Variants in IMMP2L observed in about 807,000 individuals in gnomAD.
IMMP2L encodes mitochondrial inner membrane protease subunit 2.
In IMMP2L, 18 loss-of-function variants were observed where a neutral mutation model predicts 19.3. The observed-to-expected ratio is 0.93, with a 90% CI of 0.64 to 1.38. IMMP2L has a LOEUF of 1.38. Among genes scored for constraint, IMMP2L ranks in the 40% most tolerant of loss-of-function variants. The pLI is 0.00. For synonymous variants in IMMP2L, 76 were observed against 73.0 expected (o/e 1.04, Z -0.21); for missense variants, 233 against 218.2 (o/e 1.07, Z -0.43).
intron 3 of IMMP2L, among the ~76,000 whole-genome samples, chr7:111,325,600 A>G (rs1402483389): frequency 6.6e-6 from 1 of 151,666 alleles, no homozygotes; most frequent in Non-Finnish European, 1.5e-5. Context: ...AATAGTATAA[A>G]TCCTTCTGTA....
chr7:110,849,251 T>A (rs1351113353), intron 5 of IMMP2L, among the ~76,000 whole-genome samples: 1 of 152,130 alleles, frequency 6.6e-6, no homozygotes, highest in Non-Finnish European at 1.5e-5. Context: ...TATAGTTTAC[T>A]AATTTTAAAA....
intron 3 of IMMP2L, among the ~76,000 whole-genome samples, chr7:111,169,986 CA>C (rs1586669898): frequency 1.3e-5 from 2 of 151,746 alleles, no homozygotes; most frequent in African/African-American, 4.8e-5. Flanking sequence ...TCCGGTTTCA[CA>C]AAAGATATGT....
At chr7:110,815,934 T>A (rs1291634422) in intron 5 of IMMP2L, among the ~76,000 whole-genome samples, 2 of 152,100 alleles carry the variant, frequency 1.3e-5, no homozygotes, top group Non-Finnish European at 2.9e-5. Flanking sequence ...CATTAATTAA[T>A]TTTTGAAGGG....
intron 5 of IMMP2L, among the ~76,000 whole-genome samples, chr7:110,788,479 AC>A (rs562603271): frequency 4.0e-4 from 61 of 151,812 alleles, no homozygotes; most frequent in African/African-American, 1.4e-3. Context: ...CTGAGCCTGA[AC>A]ATTGAAGTGC....
chr7:110,825,827 A>G (rs1803434210), intron 5 of IMMP2L, among the ~76,000 whole-genome samples: 1 of 152,222 alleles, frequency 6.6e-6, no homozygotes, highest in Non-Finnish European at 1.5e-5. Flanking sequence ...AAAAGCCAAA[A>G]TTGACGAATG....
chr7:111,440,742 C>A (rs976317294), intron 3 of IMMP2L, among the ~76,000 whole-genome samples: 1 of 151,902 alleles, frequency 6.6e-6, no homozygotes, highest in Non-Finnish European at 1.5e-5. Context: ...AAGCCATGCA[C>A]TGACCTCTCC....
chr7:110,967,773 C>T (rs184579112), intron 3 of IMMP2L, among the ~76,000 whole-genome samples: 2 of 152,188 alleles, frequency 1.3e-5, no homozygotes, highest in East Asian at 1.9e-4. Context: ...TATAACTTTA[C>T]ATCATTATAA....
chr7:111,134,734 C>A (rs575782075), intron 3 of IMMP2L, among the ~76,000 whole-genome samples: 4 of 151,708 alleles, frequency 2.6e-5, no homozygotes, highest in Admixed American at 6.6e-5. Flanking sequence ...CGCCTGAAAC[C>A]AAAGAGAAAA....
intron 5 of IMMP2L, among the ~76,000 whole-genome samples, chr7:110,846,355 T>C (rs1805666805): frequency 8.0e-6 from 1 of 125,556 alleles, no homozygotes; most frequent in Non-Finnish European, 1.7e-5. Context: ...TTTCTTTTTT[T>C]TTTTTTTTTT....
chr7:110,717,261 G>T (rs1484895443), intron 5 of IMMP2L, among the ~76,000 whole-genome samples: 1 of 152,136 alleles, frequency 6.6e-6, no homozygotes, highest in Non-Finnish European at 1.5e-5. Context: ...CGGATCATGA[G>T]GTCAGGAGAT....
chr7:111,016,831 AGT>A (rs1825698698), intron 3 of IMMP2L, among the ~76,000 whole-genome samples: 1 of 72,648 alleles, frequency 1.4e-5, no homozygotes, highest in Non-Finnish European at 2.5e-5. Context: ...TATAATATAT[AGT>A]ATATATTATA....
At chr7:111,509,195 T>C (rs535088890) in intron 2 of IMMP2L, among the ~76,000 whole-genome samples, 166 of 152,254 alleles carry the variant, frequency 1.1e-3, no homozygotes, top group African/African-American at 3.0e-3. Flanking sequence ...CAGAGTTTGT[T>C]AATGCAGATT....
At chr7:111,379,906 T>TA (rs1831035399) in intron 3 of IMMP2L, among the ~76,000 whole-genome samples, 1 of 151,804 alleles carries the variant, frequency 6.6e-6, no homozygotes, top group Non-Finnish European at 1.5e-5. Flanking sequence ...TAAGTTTAGG[T>TA]AAAAATAAAA....
chr7:110,846,345 T>C (rs1246986391), intron 5 of IMMP2L, among the ~76,000 whole-genome samples: 4 of 126,664 alleles, frequency 3.2e-5, no homozygotes, highest in South Asian at 3.1e-4. Flanking sequence ...CCAACCCTGA[T>C]TTCTTTTTTT....
At chr7:111,532,066 G>A (rs921471031) in intron 1 of IMMP2L, among the ~76,000 whole-genome samples, 4 of 152,002 alleles carry the variant, frequency 2.6e-5, no homozygotes, top group Admixed American at 1.3e-4. Flanking sequence ...AAGTGAGATA[G>A]GGGAAATAAG....
chr7:110,876,862 C>G (rs10259286), intron 5 of IMMP2L, among the ~76,000 whole-genome samples: 1 of 152,022 alleles, frequency 6.6e-6, no homozygotes, highest in African/African-American at 2.4e-5. Context: ...AAAATGTAAA[C>G]GGCTTTTTAG....
At position 111,219,191 on chromosome 7, in the gene IMMP2L, T is replaced by C. The variant is rs190988332; in HGVS notation, c.240-255626A>G. Among the ~76,000 whole-genome samples the C allele has an allele frequency of 7.7e-4, 117 of 152,166 alleles. 1 individual carries two copies. The highest frequency in any genetic ancestry group is 2.1e-3 in the African/African-American group (88 of 41,570). On this transcript the variant is annotated intron_variant, in intron 3 of 5. Transcript: ENST00000405709. ...ATGGAAATTTCTAACTTACTCTACT[T>C]TGAAATGCCAAATTACTAAAAAATT...
chr7:110,804,605 A>G (rs1801493745), intron 5 of IMMP2L, among the ~76,000 whole-genome samples: 1 of 152,036 alleles, frequency 6.6e-6, no homozygotes, highest in African/African-American at 2.4e-5. Context: ...CATTTCCCAG[A>G]CTTCCTTGCA....
chr7:111,209,390 CCTT>C (rs1241001120), intron 3 of IMMP2L, among the ~76,000 whole-genome samples: 9 of 132,688 alleles, frequency 6.8e-5, no homozygotes, highest in African/African-American at 2.2e-4. Context: ...GAGCGAGACT[CCTT>C]CTCAAAAAAA....
Sources: gnomAD v4.1 joint callset for allele counts (sites outside exome capture counted in the v4.1 genomes callset) on GRCh38, gnomAD v4.1.1 for gene constraint, MANE v1.5 for transcripts, NCBI Gene and HGNC (gene_info 2026-07-23, HGNC 2026-07-21) for gene names.